The following OCIAD1 variants were observed in gnomAD, a reference collection of about 807,000 sequenced individuals.
OCIAD1 encodes the protein OCIA domain containing 1, also known as OCIA domain-containing protein 1.
In OCIAD1, 29 loss-of-function variants were observed where a neutral mutation model predicts 38.9. The ratio of observed to expected loss-of-function variants is 0.74; its 90% CI spans 0.55 to 1.02. The LOEUF is 1.02. OCIAD1 is among the 50% of genes least tolerant of loss of function. The pLI, the probability that OCIAD1 is intolerant of heterozygous loss-of-function variation, is 0.00. For missense variants in OCIAD1, 288 were observed against 289.6 expected (o/e 0.99, Z 0.04); for synonymous variants, 110 against 92.0 (o/e 1.20, Z -1.12).
At chr4:48,819,652 C>A (rs1777171879) in intron 1 of OCIAD1, among the ~76,000 whole-genome samples, 1 of 142,744 alleles carries the variant, frequency 7.0e-6, no homozygotes, top group Non-Finnish European at 1.5e-5. Flanking sequence ...TTGAAGAGAC[C>A]CATCTCACGT....
intron 1 of OCIAD1, among the ~76,000 whole-genome samples, chr4:48,820,469 C>T (rs1462447171): frequency 6.6e-6 from 1 of 152,144 alleles, no homozygotes; most frequent in Non-Finnish European, 1.5e-5. Flanking sequence ...AAAATCAACA[C>T]ACTAACATCA....
At chr4:48,816,177 G>GCT (rs571659240) in intron 1 of OCIAD1, among the ~76,000 whole-genome samples, 578 of 152,094 alleles carry the variant, frequency 3.8e-3, no homozygotes, top group Non-Finnish European at 6.1e-3. Flanking sequence ...TGCATTTCTC[G>GCT]CTCTCTCTCT....
chr4:48,815,378 AG>A (rs1313035241), intron 1 of OCIAD1, among the ~76,000 whole-genome samples: 1 of 152,224 alleles, frequency 6.6e-6, no homozygotes, highest in Non-Finnish European at 1.5e-5. Flanking sequence ...ATTTCTCTCT[AG>A]ACAAGACTCA....
chr4:48,850,727 C>T (rs1579097621), intron 6 of OCIAD1, among the ~76,000 whole-genome samples: 3 of 152,164 alleles, frequency 2.0e-5, no homozygotes, highest in African/African-American at 7.2e-5. Flanking sequence ...GCATACACCA[C>T]CACGCCTAGC....
chr4:48,849,807 A>T (rs1779269462), intron 5 of OCIAD1, 140 bp from the exon 6 acceptor site: 1 of 676,102 alleles, frequency 1.5e-6, no homozygotes, highest in Non-Finnish European at 2.5e-6. Flanking sequence ...GATTTCTTCT[A>T]CCATTATTTC....
chr4:48,832,810 C>G (rs551170907), intron 2 of OCIAD1, 128 bp downstream of exon 2: 10 of 714,250 alleles, frequency 1.4e-5, no homozygotes, highest in Non-Finnish European at 2.5e-5. Flanking sequence ...TACTTGGTTT[C>G]ATGTTCTAGT....
upstream of OCIAD1, among the ~76,000 whole-genome samples, chr4:48,826,911 T>C (rs1777257673): frequency 6.6e-6 from 1 of 152,234 alleles, no homozygotes; most frequent in Admixed American, 6.5e-5. Context: ...TTGCAAAAGT[T>C]ATAAATAACC....
Position 48,832,597 on chromosome 4 carries a change from A to T in OCIAD1, c.-5-23A>T, listed in dbSNP as rs1257621689. On this transcript the variant is annotated intron_variant, in intron 1 of 8. Coordinates refer to ENST00000264312, the MANE Select transcript of OCIAD1 (RefSeq NM_017830.4). ...TATCTAGTGATAGTTTCTAATACTTAATATGTAATGTTTTTGATACAGGAA... is the reference window on the plus strand; with the variant it reads ...TATCTAGTGATAGTTTCTAATACTTTATATGTAATGTTTTTGATACAGGAA... The T allele has an allele frequency of 1.9e-6, 3 of 1,586,584 alleles. No individual in the cohort carries two copies. In the South Asian group the frequency reaches 3.3e-5, roughly 18 times the overall value.
chr4:48,851,808 A>T lies in OCIAD1; in HGVS notation c.380A>T (p.His127Leu), dbSNP rs775900055. The T allele has an allele frequency of 1.3e-6, 2 of 1,579,806 alleles. No individual in the cohort carries two copies. The highest frequency in any genetic ancestry group is 4.5e-5 in the East Asian group (2 of 44,658). The change falls in exon 7 of 9, where the codon CAC becomes CTC. Residue 127 changes from histidine to leucine, a missense_variant and splice_region_variant. Transcript: ENST00000264312. ...TACAATATGATTTTCATTTACAGGC[A>T]CTATTATCAAAAGTCAAAATATGAC... ...GQARRSSPPG[H>L]YYQKSKYDSS...
At chr4:48,839,254 G>C (rs1479803771) in intron 3 of OCIAD1, among the ~76,000 whole-genome samples, 1 of 152,040 alleles carries the variant, frequency 6.6e-6, no homozygotes, top group East Asian at 1.9e-4. Flanking sequence ...TGGCTAACAT[G>C]GTGAAACCCT....
intron 1 of OCIAD1, among the ~76,000 whole-genome samples, chr4:48,809,324 C>G (rs1363947577): frequency 6.6e-6 from 1 of 152,128 alleles, no homozygotes; most frequent in Non-Finnish European, 1.5e-5. Flanking sequence ...GAGTTTGAGA[C>G]CAGCCTGGCC....
At chr4:48,835,711 A>T (rs999147426) in intron 3 of OCIAD1, among the ~76,000 whole-genome samples, 9 of 152,160 alleles carry the variant, frequency 5.9e-5, no homozygotes, top group African/African-American at 1.9e-4. Context: ...GTGGAATTTC[A>T]AGCATGAGCC....
intron 1 of OCIAD1, among the ~76,000 whole-genome samples, chr4:48,821,047 T>A (rs1277813409): frequency 6.6e-6 from 1 of 152,212 alleles, no homozygotes; most frequent in East Asian, 1.9e-4. Context: ...TTAACTCATT[T>A]TATGAGGCCA....
intron 1 of OCIAD1, 100 bp downstream of exon 1, chr4:48,831,349 G>C (rs1777469313): frequency 2.2e-6 from 1 of 464,544 alleles, no homozygotes; most frequent in African/African-American, 2.0e-5. Flanking sequence ...CCATTTTCCT[G>C]CCTGTGAGGG....
chr4:48,808,133 A>T (rs965462739), intron 1 of OCIAD1, among the ~76,000 whole-genome samples: 1 of 151,988 alleles, frequency 6.6e-6, no homozygotes, highest in Non-Finnish European at 1.5e-5. Context: ...TTTTGTGTAT[A>T]CTCTCTCCAA....
chr4:48,852,112 C>G (rs1196223093), intron 7 of OCIAD1, 137 bp downstream of exon 7: 2 of 642,228 alleles, frequency 3.1e-6, no homozygotes, highest in Non-Finnish European at 5.1e-6. Context: ...CATGTTTGTT[C>G]ATTTGTTTCT....
chr4:48,825,214 G>A (rs560929870), intron 1 of OCIAD1, among the ~76,000 whole-genome samples: 13 of 152,276 alleles, frequency 8.5e-5, no homozygotes, highest in Non-Finnish European at 1.5e-4. Flanking sequence ...GTTACTCCCT[G>A]GAGCTGCACC....
chr4:48,830,848 A>G (rs1396640550), upstream of OCIAD1: 3 of 153,482 alleles, frequency 2.0e-5, no homozygotes, highest in Non-Finnish European at 4.4e-5. Flanking sequence ...CAACAGCCCA[A>G]AGTCAAGCCT....
chr4:48,808,116 T>C (rs1777047141), intron 1 of OCIAD1, among the ~76,000 whole-genome samples: 1 of 152,178 alleles, frequency 6.6e-6, no homozygotes, highest in East Asian at 1.9e-4. Context: ...TTGGGTATTC[T>C]GCTATGTTTT....
Sources: gnomAD v4.1 joint callset for allele counts (sites outside exome capture counted in the v4.1 genomes callset) on GRCh38, gnomAD v4.1.1 for gene constraint, MANE v1.5 for transcripts, NCBI Gene and HGNC (gene_info 2026-07-23, HGNC 2026-07-21) for gene names.